CSMD1: variants seen among roughly 807,000 people sequenced by gnomAD.
The protein encoded by CSMD1 is CUB and Sushi multiple domains 1.
CSMD1 carries 213 observed loss-of-function variants against 417.5 expected under a neutral mutation model. The observed-to-expected ratio is 0.51, with a 90% CI of 0.46 to 0.57. CSMD1 has a LOEUF of 0.57. Ranked by LOEUF, CSMD1 falls within the 20% of genes least tolerant of loss-of-function variation. The pLI, the probability that CSMD1 is intolerant of heterozygous loss-of-function variation, is 0.00. For missense variants in CSMD1, 6,923 were observed against 4,529.7 expected, an observed-to-expected ratio of 1.53 and a Z score of -15.17; for synonymous variants, 2,862 against 1,736.8, an observed-to-expected ratio of 1.65 and a Z score of -16.11.
chr8:4,295,726 C>CTG (rs200937923), intron 3 of CSMD1, among the ~76,000 whole-genome samples: 2 of 123,848 alleles, frequency 1.6e-5, no homozygotes, highest in Non-Finnish European at 3.4e-5. Context: ...TTATATATAT[C>CTG]TGTGTGTGTG....
intron 42 of CSMD1, among the ~76,000 whole-genome samples, chr8:3,114,451 A>G (rs10106707): frequency 0.02 from 3,015 of 149,428 alleles, 94 homozygotes; most frequent in African/African-American, 0.068. Context: ...ATGTTATAAT[A>G]TATATATTAA....
At position 3,752,153 on chromosome 8, in the gene CSMD1, T is replaced by C. The variant is rs150052470; in HGVS notation, c.931+1777A>G. On this transcript the variant is annotated intron_variant, in intron 6 of 69. Coordinates refer to ENST00000635120, the MANE Select transcript of CSMD1 (RefSeq NM_033225.6). ...CTCCATTCTAACTACAGCCACAGTA[T>C]ATGGCAGTCACAAGATAACGGCAGA... Among the ~76,000 whole-genome samples the C allele has an allele frequency of 5.3e-5, 8 of 152,166 alleles. No individual in the cohort carries two copies. In the East Asian group the frequency reaches 1.6e-3, roughly 29 times the overall value.
intron 3 of CSMD1, among the ~76,000 whole-genome samples, chr8:4,296,619 G>GC (rs1554520841): frequency 2.7e-5 from 4 of 150,814 alleles, no homozygotes; most frequent in Non-Finnish European, 4.4e-5. Context: ...ATAATAGTTT[G>GC]TTATTTAGTT....
intron 3 of CSMD1, among the ~76,000 whole-genome samples, chr8:4,242,248 ATAAACATCATCTTC>A (rs1802447142): frequency 6.6e-6 from 1 of 152,200 alleles, no homozygotes; most frequent in Admixed American, 6.5e-5. Context: ...GCCAATCTTT[ATAAACATCATCTTC>A]TGTGAATGCT....
chr8:3,603,846 C>T (rs970479599), intron 8 of CSMD1, among the ~76,000 whole-genome samples: 30 of 152,276 alleles, frequency 2.0e-4, no homozygotes, highest in African/African-American at 6.0e-4. Context: ...ATACTTTCTA[C>T]TTTTTCTTCT....
At chr8:3,139,837 G>A (rs1169341854) in intron 41 of CSMD1, among the ~76,000 whole-genome samples, 1 of 151,736 alleles carries the variant, frequency 6.6e-6, no homozygotes, top group Non-Finnish European at 1.5e-5. Context: ...TGAAATAGTA[G>A]GAAGAGAGGT....
At chr8:4,227,818 G>A (rs780213395) in intron 3 of CSMD1, among the ~76,000 whole-genome samples, 1 of 149,452 alleles carries the variant, frequency 6.7e-6, no homozygotes, top group Non-Finnish European at 1.5e-5. Context: ...CCCACACCAG[G>A]AGACATACTC....
chr8:4,257,659 A>G (rs996596831), intron 3 of CSMD1, among the ~76,000 whole-genome samples: 17 of 152,322 alleles, frequency 1.1e-4, no homozygotes, highest in Admixed American at 9.2e-4. Flanking sequence ...TGGTTACAGC[A>G]TAGGTCTCAG....
intron 10 of CSMD1, among the ~76,000 whole-genome samples, chr8:3,505,307 T>G (rs1016068064): frequency 1.1e-4 from 17 of 152,006 alleles, no homozygotes; most frequent in African/African-American, 3.9e-4. Context: ...ATGTGTGGAG[T>G]GACCGCTGAA....
chr8:3,167,811 C>A (rs897987279), intron 37 of CSMD1, among the ~76,000 whole-genome samples: 26 of 152,188 alleles, frequency 1.7e-4, no homozygotes, highest in African/African-American at 5.1e-4. Context: ...TCAGCCTCAT[C>A]AGGTCCCTGG....
chr8:3,370,573 G>A (rs1056215840), intron 18 of CSMD1, among the ~76,000 whole-genome samples: 4 of 152,238 alleles, frequency 2.6e-5, no homozygotes, highest in Non-Finnish European at 5.9e-5. Flanking sequence ...GTCTGTGAGG[G>A]TGCTGCTAGG....
At chr8:4,008,801 G>C (rs1038716408) in intron 4 of CSMD1, among the ~76,000 whole-genome samples, 1 of 151,316 alleles carries the variant, frequency 6.6e-6, no homozygotes, top group Non-Finnish European at 1.5e-5. Flanking sequence ...TGGTAGAGAC[G>C]GGATTTCAAT....
intron 6 of CSMD1, among the ~76,000 whole-genome samples, chr8:3,733,506 G>A (rs1042240130): frequency 1.3e-5 from 2 of 151,952 alleles, no homozygotes; most frequent in African/African-American, 2.4e-5. Flanking sequence ...GGTCAACCGC[G>A]TTCTGAAAAT....
intron 23 of CSMD1, among the ~76,000 whole-genome samples, chr8:3,323,806 G>T (rs939208409): frequency 3.0e-5 from 4 of 135,540 alleles, no homozygotes; most frequent in Non-Finnish European, 6.3e-5. Context: ...AGACCCAGGA[G>T]GGGGAGTTTC....
intron 15 of CSMD1, among the ~76,000 whole-genome samples, chr8:3,401,194 G>A (rs974223500): frequency 1.1e-4 from 17 of 151,642 alleles, no homozygotes; most frequent in Non-Finnish European, 1.8e-4. Flanking sequence ...AAAGACATAT[G>A]GCAGATGCAG....
chr8:4,168,638 T>C (rs971857744), intron 3 of CSMD1, among the ~76,000 whole-genome samples: 1 of 152,120 alleles, frequency 6.6e-6, no homozygotes, highest in Non-Finnish European at 1.5e-5. Context: ...TAGATCATCA[T>C]GTTTTCTACT....
chr8:4,502,736 T>A (rs990960587), intron 2 of CSMD1, among the ~76,000 whole-genome samples: 5 of 152,214 alleles, frequency 3.3e-5, no homozygotes, highest in African/African-American at 9.6e-5. Flanking sequence ...AGATCTTTGC[T>A]TTTATTTGTG....
intron 26 of CSMD1, among the ~76,000 whole-genome samples, chr8:3,258,105 T>G (rs1217297134): frequency 6.6e-6 from 1 of 152,096 alleles, no homozygotes; most frequent in Non-Finnish European, 1.5e-5. Context: ...GGTTTCTGGA[T>G]GGGCTGCATG....
intron 1 of CSMD1, among the ~76,000 whole-genome samples, chr8:4,736,470 T>C (rs1487081440): frequency 6.6e-6 from 1 of 151,902 alleles, no homozygotes; most frequent in African/African-American, 2.4e-5. Flanking sequence ...GGTGGGCAAA[T>C]ACAAGAAAAA....
Sources: gnomAD v4.1 joint callset for allele counts (sites outside exome capture counted in the v4.1 genomes callset) on GRCh38, gnomAD v4.1.1 for gene constraint, MANE v1.5 for transcripts, NCBI Gene and HGNC (gene_info 2026-07-23, HGNC 2026-07-21) for gene names.